The following APOA4 variants were observed in gnomAD, a reference collection of about 807,000 sequenced individuals.
The protein encoded by APOA4 is apolipoprotein A4, also known as apolipoprotein A-IV.
In APOA4, 25 loss-of-function variants were observed where a neutral mutation model predicts 33.6. That is an observed-to-expected ratio of 0.74 (90% confidence interval 0.54 to 1.04). The LOEUF (loss-of-function observed/expected upper bound fraction) is 1.04. Ranked by LOEUF, APOA4 falls within the 50% of genes least tolerant of loss-of-function variation. The pLI, the probability that APOA4 is intolerant of heterozygous loss-of-function variation, is 0.00. For missense variants in APOA4, 549 were observed against 510.4 expected (o/e 1.08, Z -0.73); for synonymous variants, 228 against 224.0 (o/e 1.02, Z -0.16).
chr11:116,821,384 G>C lies in APOA4; in HGVS notation c.674C>G (p.Pro225Arg), dbSNP rs1941319364. Reference sequence around the variant, plus strand: ...CTTCTCCTGCGTGTCCTGAGCATAGGGAGCCAGGCTGCGGCGCAGCTCCTC... The same window carrying C: ...CTTCTCCTGCGTGTCCTGAGCATAGCGAGCCAGGCTGCGGCGCAGCTCCTC... Reference protein sequence around the residue: ...TVEELRRSLAPYAQDTQEKLN... With the variant: ...TVEELRRSLARYAQDTQEKLN... Residue 225 changes from proline (P) to arginine (R), a missense_variant, in exon 3 of 3, where the codon CCC becomes CGC. Coordinates refer to ENST00000357780, the MANE Select transcript of APOA4 (RefSeq NM_000482.4). The C allele has an allele frequency of 2.5e-6, 4 of 1,614,152 alleles. No individual in the cohort carries two copies. In the East Asian group the frequency reaches 8.9e-5, roughly 36 times the overall value.
chr11:116,822,783 C>T lies in APOA4; in HGVS notation c.52G>A (p.Ala18Thr). Residue 18 changes from alanine (A) to threonine (T), a missense_variant and splice_region_variant, in exon 2 of 3, where the codon GCC (alanine) becomes ACC (threonine). Ala to Thr is a moderately conservative substitution (Grantham distance 58). Coordinates refer to ENST00000357780, the MANE Select transcript of APOA4 (RefSeq NM_000482.4). The part of the protein sequence containing the change: ...LTLALVAVAG[A>T]RAEVSADQVA... Reference sequence around the variant, plus strand: ...TGGTCAGCACTGACCTCAGCCCTGGCTCCTGGGTGGTAACAGAGAGCAATT... The same window carrying T: ...TGGTCAGCACTGACCTCAGCCCTGGTTCCTGGGTGGTAACAGAGAGCAATT... 1 of 1,614,040 alleles carries T rather than the reference C, an allele frequency of 6.2e-7. No individual in the cohort carries two copies. Among genetic ancestry groups the T allele is most frequent in the Admixed American group, 1.7e-5 (1 of 60,026 alleles).
chr11:116,820,852 T>C lies in APOA4; in HGVS notation c.*15A>G. ...CAGGTGTCCACGAGGGTGGGGCCAG[T>C]GCACCAGGGGCAGCTCAGCTCTCCA... On this transcript the variant is annotated 3_prime_UTR_variant, in exon 3 of 3. Coordinates refer to ENST00000357780, the MANE Select transcript of APOA4 (RefSeq NM_000482.4). 6 of 1,612,800 alleles carry C rather than the reference T, an allele frequency of 3.7e-6. No homozygotes were observed. The highest frequency in any genetic ancestry group is 5.1e-6 in the Non-Finnish European group (6 of 1,179,440).
Position 116,820,959 on chromosome 11 carries a change from T to A in APOA4, c.1099A>T (p.Thr367Ser), listed in dbSNP as rs675. Residue 367 changes from threonine (T) to serine (S), a missense_variant, in exon 3 of 3, where the codon ACT (threonine) becomes TCT (serine). Transcript: ENST00000357780. The stretch of plus-strand genomic sequence containing the variant: ...TGCTCCAGCTCAGGGAGGGAGAGAG[T>A]CTTGTCCTGGCTCTCTTTCTCCTTG... ...TFKEKESQDK[T>S]LSLPELEQQQ... is the part of the protein sequence containing the mutation. The A allele has an allele frequency of 0.18, 286,754 of 1,613,684 alleles. 27,179 individuals carry two copies. Among genetic ancestry groups the A allele is most frequent in the Middle Eastern group, 0.24 (1,466 of 6,062 alleles).
In APOA4 at chr11:116,821,618, C is replaced by T. The variant is rs5104; in HGVS notation, c.440G>A (p.Ser147Asn). ...PYADQLRTQV[S>N]TQAEQLRRQL... Reference sequence around the variant, plus strand: ...GCGCCGCAGCTGCTCGGCCTGCGTGCTGACCTGGGTGCGCAGCTGGTCCGC... The same window carrying T: ...GCGCCGCAGCTGCTCGGCCTGCGTGTTGACCTGGGTGCGCAGCTGGTCCGC... The change falls in exon 3 of 3, where the codon AGC (serine) becomes AAC (asparagine). Residue 147 changes from serine (S) to asparagine (N), a missense_variant. Transcript: ENST00000357780. The T allele has an allele frequency of 0.85, 1,365,755 of 1,610,506 alleles. 582,863 individuals carry two copies. The highest frequency in any genetic ancestry group is 0.89 in the African/African-American group (66,507 of 75,014).
chr11:116,821,166 G>T lies in APOA4; in HGVS notation c.892C>A (p.Gln298Lys), dbSNP rs973577436. Residue 298 changes from glutamine to lysine, a missense_variant, in exon 3 of 3, where the codon CAG becomes AAG. Physicochemically the swap from Gln to Lys is moderately conservative, Grantham distance 53. Coordinates refer to ENST00000357780, the MANE Select transcript of APOA4 (RefSeq NM_000482.4). ...CGGCGTCGGAACTCCTCCACCTGCT[G>T]GTCCAGGTGCCCACCCAGCTCTGCC... ...SLAELGGHLD[Q>K]QVEEFRRRVE... 1 of 1,613,518 alleles carries T rather than the reference G, an allele frequency of 6.2e-7. No homozygotes were observed. Among genetic ancestry groups the T allele is most frequent in the Non-Finnish European group, 8.5e-7 (1 of 1,180,016 alleles).
At position 116,821,048 on chromosome 11, in the gene APOA4, T is replaced by C. The variant is rs1306359949; in HGVS notation, c.1010A>G (p.Glu337Gly). 1 of 1,614,200 alleles carries C rather than the reference T, an allele frequency of 6.2e-7. No homozygotes were observed. The highest frequency in any genetic ancestry group is 1.1e-5 in the South Asian group (1 of 91,086). The change falls in exon 3 of 3, where the codon GAA (glutamate) becomes GGA (glycine). Residue 337 changes from glutamate to glycine, a missense_variant. Physicochemically the swap from Glu to Gly is moderately conservative, Grantham distance 98. Transcript: ENST00000357780. ...CTTCTCCAGGAAGCTCAAGTGGCCT[T>C]CCACGTCCCCCGCATGGGGGCCCAG... is the stretch of plus-strand genomic sequence containing the variant. ...QKLGPHAGDV[E>G]GHLSFLEKDL...
chr11:116,821,938 TTGTC>T lies in APOA4; in HGVS notation c.177-61_177-58del, dbSNP rs1320768919. On this transcript the variant is annotated intron_variant, in intron 2 of 2. Coordinates refer to ENST00000357780, the MANE Select transcript of APOA4 (RefSeq NM_000482.4). ...CATTTGGCATTTACACGGCAAGACT[TTGTC>T]TGCTTGTATACCACTCGCCTTATGC... is the stretch of plus-strand genomic sequence containing the variant. The T allele has an allele frequency of 3.7e-6, 6 of 1,602,352 alleles. No homozygotes were observed. The Admixed American group carries it at 5.0e-5, about 13-fold the overall frequency.
In APOA4 at chr11:116,821,790, G is replaced by A. The variant is rs373725484; in HGVS notation, c.268C>T (p.Arg90Cys). The A allele has an allele frequency of 6.3e-6, 10 of 1,589,718 alleles. No individual in the cohort carries two copies. The highest frequency in any genetic ancestry group is 5.4e-5 in the African/African-American group (4 of 74,358). Residue 90 changes from arginine (R) to cysteine (C), a missense_variant, in exon 3 of 3, where the codon CGC becomes TGC. Coordinates refer to ENST00000357780, the MANE Select transcript of APOA4 (RefSeq NM_000482.4). ...AGTTTCTCCGAGTCCTTGGCCAGGC[G>A]TTCATGCAGCTCGGTGGCAAAGGGC... The part of the protein sequence containing the change: ...LVPFATELHE[R>C]LAKDSEKLKE...
In APOA4 at chr11:116,821,685, C is replaced by T. The variant is rs546075642; in HGVS notation, c.373G>A (p.Gly125Arg). The change falls in exon 3 of 3, where the codon GGG (glycine) becomes AGG (arginine). Residue 125 changes from glycine to arginine, a missense_variant. By Grantham distance (125) the Gly-to-Arg change is moderately radical (BLOSUM62 -2). Coordinates refer to ENST00000357780, the MANE Select transcript of APOA4 (RefSeq NM_000482.4). ...PHANEVSQKI[G>R]DNLRELQQRL... ...TGCTGAAGCTCTCGCAGGTTGTCCC[C>T]GATCTTCTGGCTCACCTCATTGGCA... 5.5e-5 allele frequency: 88 copies of T among 1,595,010 alleles called. No homozygotes were observed. The Admixed American group carries it at 9.9e-4, about 18-fold the overall frequency.
At chr11:116,822,309 A>G (rs1201358438) in intron 2 of APOA4, among the ~76,000 whole-genome samples, 1 of 152,068 alleles carries the variant, frequency 6.6e-6, no homozygotes, top group African/African-American at 2.4e-5. Flanking sequence ...GGCCTCCCAA[A>G]TATTCCCACC....
At position 116,823,231 on chromosome 11, in the gene APOA4, C is replaced by T. The variant is rs751083101; in HGVS notation, c.-40G>A. 1.2e-6 allele frequency: 2 copies of T among 1,612,764 alleles called. No homozygotes were observed. Among genetic ancestry groups the T allele is most frequent in the South Asian group, 2.2e-5 (2 of 91,036 alleles). Reference sequence around the variant, plus strand: ...TGGGCTGGAGGAGTTTCTTGCCACACTGGATCCTCCCTACAATCAGGGGAG... The same window carrying T: ...TGGGCTGGAGGAGTTTCTTGCCACATTGGATCCTCCCTACAATCAGGGGAG... On this transcript the variant is annotated 5_prime_UTR_variant, in exon 1 of 3. It adds an upstream start codon to the 5' untranslated region. Transcript: ENST00000357780.
At chr11:116,821,958 C>T (rs1327112122) in intron 2 of APOA4, 77 bp from the exon 3 acceptor site, 8 of 1,585,594 alleles carry the variant, frequency 5.0e-6, no homozygotes, top group Admixed American at 5.0e-5. Flanking sequence ...GTATACCACT[C>T]GCCTTATGCA....
rs1446733564 is a variant in APOA4 at position 116,821,695 on chromosome 11, G to C, written c.363C>G (p.Ser121Arg). Residue 121 changes from serine (S) to arginine (R), a missense_variant, in exon 3 of 3, where the codon AGC (serine) becomes AGG (arginine). Coordinates refer to ENST00000357780, the MANE Select transcript of APOA4 (RefSeq NM_000482.4). The stretch of plus-strand genomic sequence containing the variant: ...CTCGCAGGTTGTCCCCGATCTTCTG[G>C]CTCACCTCATTGGCATGGGGCAGCA... ...ARLLPHANEV[S>R]QKIGDNLREL... The C allele has an allele frequency of 4.4e-6, 7 of 1,584,324 alleles. No homozygotes were observed. The South Asian group carries it at 6.7e-5, about 15-fold the overall frequency.
rs776394646 is a variant in APOA4 at position 116,820,858 on chromosome 11, A to C, written c.*9T>G. 2.5e-6 allele frequency: 4 copies of C among 1,613,376 alleles called. No homozygotes were observed. The highest frequency in any genetic ancestry group is 3.4e-6 in the Non-Finnish European group (4 of 1,179,720). On this transcript the variant is annotated 3_prime_UTR_variant, in exon 3 of 3. Coordinates refer to ENST00000357780, the MANE Select transcript of APOA4 (RefSeq NM_000482.4). ...TCCACGAGGGTGGGGCCAGTGCACC[A>C]GGGGCAGCTCAGCTCTCCAAAGGGG...
intron 1 of APOA4, 113 bp downstream of exon 1, chr11:116,823,030 C>T: frequency 6.9e-7 from 1 of 1,452,836 alleles, no homozygotes. Context: ...ACCTCATGTC[C>T]AGCTGGGGGC....
At chr11:116,821,998 G>A (rs1314879279) in intron 2 of APOA4, 117 bp from the exon 3 acceptor site, 13 of 1,362,676 alleles carry the variant, frequency 9.5e-6, no homozygotes, top group African/African-American at 2.9e-5. Flanking sequence ...GTGCTCAGAG[G>A]TACCGAGTTC....
rs759979693 is a variant in APOA4, at chr11:116,821,887, G to A, written c.177-6C>T. The A allele has an allele frequency of 1.6e-5, 26 of 1,612,896 alleles. No homozygotes were observed. In the South Asian group the frequency reaches 2.0e-4, roughly 12 times the overall value. On this transcript the variant is annotated splice_polypyrimidine_tract_variant and splice_region_variant and intron_variant, in intron 2 of 2. Coordinates refer to ENST00000357780, the MANE Select transcript of APOA4 (RefSeq NM_000482.4). The stretch of plus-strand genomic sequence containing the variant: ...GTTTGTCCTGGAAGAGGGCACTGTG[G>A]GGAAGGGCACAAGGAGGCCACGTTA...
Position 116,820,926 on chromosome 11 carries a change from C to G in APOA4, c.1132G>C (p.Glu378Gln), listed in dbSNP as rs762090741. The G allele has an allele frequency of 3.7e-6, 6 of 1,614,198 alleles. No homozygotes were observed. The South Asian group carries it at 5.5e-5, about 15-fold the overall frequency. ...LSLPELEQQQEQQQEQQQEQV... is the reference protein window; with the variant it reads ...LSLPELEQQQQQQQEQQQEQV... ...TCCTGCTGCTGCTCCTGCTGCTGTT[C>G]CTGCTGTTGCTCCAGCTCAGGGAGG... The change falls in exon 3 of 3, where the codon GAA becomes CAA. Residue 378 changes from glutamate (E) to glutamine (Q), a missense_variant. Coordinates refer to ENST00000357780, the MANE Select transcript of APOA4 (RefSeq NM_000482.4).
In APOA4 at chr11:116,821,369, G is replaced by C. The variant is rs775236625; in HGVS notation, c.689C>G (p.Thr230Arg). 6.2e-7 allele frequency: 1 copy of C among 1,614,158 alleles called. No homozygotes were observed. The highest frequency in any genetic ancestry group is 1.3e-5 in the African/African-American group (1 of 75,056). ...AAGCTGGTGGTTGAGCTTCTCCTGC[G>C]TGTCCTGAGCATAGGGAGCCAGGCT... ...RRSLAPYAQDTQEKLNHQLEG... is the reference protein window; with the variant it reads ...RRSLAPYAQDRQEKLNHQLEG... Residue 230 changes from threonine (T) to arginine (R), a missense_variant, in exon 3 of 3, where the codon ACG (threonine) becomes AGG (arginine). Physicochemically the swap from Thr to Arg is moderately conservative, Grantham distance 71. Transcript: ENST00000357780.
Sources: allele counts gnomAD v4.1 joint callset (sites outside exome capture counted in the v4.1 genomes callset), GRCh38; gene constraint gnomAD v4.1.1; transcripts MANE v1.5; gene names NCBI Gene and HGNC (gene_info 2026-07-23, HGNC 2026-07-21).